TXNDC16: variants seen among roughly 807,000 people sequenced by gnomAD.
TXNDC16 encodes the protein thioredoxin domain-containing protein 16.
A neutral mutation model predicts 85.6 loss-of-function variants in TXNDC16; 74 were observed. That is an observed-to-expected ratio of 0.86 (90% confidence interval 0.72 to 1.05). The LOEUF is 1.05. Ranked by LOEUF, TXNDC16 falls within the 50% of genes least tolerant of loss-of-function variation. The pLI, the probability that TXNDC16 is intolerant of heterozygous loss-of-function variation, is 0.00. For synonymous variants in TXNDC16, 335 were observed against 326.5 expected, an observed-to-expected ratio of 1.03 and a Z score of -0.28; for missense variants, 959 against 947.0, an observed-to-expected ratio of 1.01 and a Z score of -0.17.
chr14:52,546,560 G>C (rs1168443502), intron 1 of TXNDC16, among the ~76,000 whole-genome samples: 1 of 152,192 alleles, frequency 6.6e-6, no homozygotes, highest in Non-Finnish European at 1.5e-5. Flanking sequence ...TCGGCAGTTA[G>C]TGTTAATAAA....
intron 16 of TXNDC16, among the ~76,000 whole-genome samples, chr14:52,467,616 T>TA (rs1344156692): frequency 6.6e-6 from 1 of 152,156 alleles, no homozygotes; most frequent in Admixed American, 6.5e-5. Context: ...GCAAGGATGT[T>TA]AAAGTCATTG....
At chr14:52,484,410 CATA>C (rs2036220102) in intron 12 of TXNDC16, among the ~76,000 whole-genome samples, 1 of 152,218 alleles carries the variant, frequency 6.6e-6, no homozygotes, top group Admixed American at 6.5e-5. Context: ...TCACGTACCA[CATA>C]ATGATATTTC....
chr14:52,493,216 T>TATAC, intron 9 of TXNDC16, among the ~76,000 whole-genome samples: 13 of 115,992 alleles, frequency 1.1e-4, no homozygotes, highest in South Asian at 5.1e-4. Flanking sequence ...TATATATATA[T>TATAC]ACACACACAC....
intron 19 of TXNDC16, 73 bp downstream of exon 19, chr14:52,440,491 C>T (rs1180476522): frequency 2.1e-5 from 27 of 1,274,582 alleles, no homozygotes; most frequent in African/African-American, 3.1e-5. Flanking sequence ...TAGAGAGTTT[C>T]GTTTCCTAAT....
intron 9 of TXNDC16, among the ~76,000 whole-genome samples, chr14:52,506,026 G>A (rs952777874): frequency 6.6e-6 from 1 of 152,182 alleles, no homozygotes; most frequent in African/African-American, 2.4e-5. Flanking sequence ...AAACCAGGAA[G>A]AAGTTGAATC....
intron 20 of TXNDC16, 24 bp downstream of exon 20, chr14:52,439,180 T>C (rs202242219): frequency 6.2e-7 from 1 of 1,603,560 alleles, no homozygotes; most frequent in African/African-American, 1.3e-5. Flanking sequence ...GAACTACATG[T>C]ATTAAACAAA....
chr14:52,519,674 C>T (rs1170949641), intron 6 of TXNDC16, among the ~76,000 whole-genome samples: 2 of 152,204 alleles, frequency 1.3e-5, no homozygotes, highest in East Asian at 3.8e-4. Context: ...CTGACAAGAC[C>T]TAGACCTTGT....
rs1446038718 is a variant in TXNDC16 at position 52,506,542 on chromosome 14, T to C, written c.756+4698A>G. On this transcript the variant is annotated intron_variant, in intron 9 of 20. Coordinates refer to ENST00000281741, the MANE Select transcript of TXNDC16 (RefSeq NM_020784.3). ...TTCAACAACCCTTTTTTTTTTTTTT[T>C]TTTTTTTTTCTTTTTTCTTTTTTTT... Among the ~76,000 whole-genome samples, 9 of 139,660 alleles carry C rather than the reference T, an allele frequency of 6.4e-5. 1 individual carries two copies. The highest frequency in any genetic ancestry group is 2.3e-4 in the African/African-American group (8 of 35,454). The allele number at this position is 139,660 out of a possible 152,430, so 91.6% of individuals were successfully genotyped here.
At position 52,488,386 on chromosome 14, in the gene TXNDC16, T is replaced by C. The variant is rs1566555398; in HGVS notation, c.1085A>G (p.Asn362Ser). 1.9e-6 allele frequency: 3 copies of C among 1,613,824 alleles called. No homozygotes were observed. The highest frequency in any genetic ancestry group is 1.7e-4 in the Middle Eastern group (1 of 6,058). The change falls in exon 12 of 21, where the codon AAT (asparagine) becomes AGT (serine). Residue 362 changes from asparagine to serine, a missense_variant. By Grantham distance (46) the Asn-to-Ser change is conservative. Coordinates refer to ENST00000281741, the MANE Select transcript of TXNDC16 (RefSeq NM_020784.3). ...HIEEIQEDED[N>S]DMEGPDIDVQ... is the part of the protein sequence containing the mutation. ...ACCTATATCTGGACCTTCCATGTCA[T>C]TGTCTTCATCTTCTTGTATTTCCTC...
At chr14:52,503,713 A>G (rs2036718346) in intron 9 of TXNDC16, among the ~76,000 whole-genome samples, 1 of 152,228 alleles carries the variant, frequency 6.6e-6, no homozygotes, top group Non-Finnish European at 1.5e-5. Flanking sequence ...CAATGGAACA[A>G]AGCTGGACAG....
chr14:52,504,822 G>A (rs8010762), intron 9 of TXNDC16, among the ~76,000 whole-genome samples: 20,105 of 152,014 alleles, frequency 0.13, 1,542 homozygotes, highest in African/African-American at 0.21. Flanking sequence ...TATTCAGGAA[G>A]CCCATCTCAT....
At chr14:52,480,689 T>A (rs1052655843) in intron 14 of TXNDC16, among the ~76,000 whole-genome samples, 3 of 151,950 alleles carry the variant, frequency 2.0e-5, no homozygotes, top group Admixed American at 6.6e-5. Flanking sequence ...TTGGCGTGGA[T>A]GTGGTGAACA....
chr14:52,439,470 T>C lies in TXNDC16; in HGVS notation c.2004-76A>G. The C allele has an allele frequency of 8.3e-6, 11 of 1,331,532 alleles. No individual in the cohort carries two copies. The South Asian group carries it at 1.0e-4, about 12-fold the overall frequency. The allele number at this position is 1,331,532 out of a possible 1,614,324, so 82.5% of individuals were successfully genotyped here. On this transcript the variant is annotated intron_variant, in intron 19 of 20. Coordinates refer to ENST00000281741, the MANE Select transcript of TXNDC16 (RefSeq NM_020784.3). ...AATGAAAATAGTAATTCGTAGAACA[T>C]TAAACTTTTAAGTAGTATCATGCCA... is the stretch of plus-strand genomic sequence containing the variant.
chr14:52,503,564 C>T (rs2036714931), intron 9 of TXNDC16, among the ~76,000 whole-genome samples: 1 of 152,136 alleles, frequency 6.6e-6, no homozygotes, highest in African/African-American at 2.4e-5. Flanking sequence ...ACACCAAAAC[C>T]CCATCTGTAT....
chr14:52,488,252 C>T, intron 12 of TXNDC16, 111 bp downstream of exon 12: 1 of 1,329,202 alleles, frequency 7.5e-7, no homozygotes. Flanking sequence ...GGTTTCTTTA[C>T]AGAGTCTTGA....
chr14:52,483,784 T>A (rs1326253414), intron 12 of TXNDC16, among the ~76,000 whole-genome samples: 3 of 152,222 alleles, frequency 2.0e-5, no homozygotes, highest in African/African-American at 7.2e-5. Context: ...CAACCATCCA[T>A]GTACCTTCAA....
At chr14:52,448,825 AGAG>A (rs2035342124) in intron 18 of TXNDC16, among the ~76,000 whole-genome samples, 2 of 152,090 alleles carry the variant, frequency 1.3e-5, no homozygotes, top group African/African-American at 4.8e-5. Flanking sequence ...GACAGAGTGT[AGAG>A]TTTTTATTAG....
intron 6 of TXNDC16, among the ~76,000 whole-genome samples, chr14:52,524,760 G>T (rs1421311242): frequency 1.3e-5 from 2 of 152,018 alleles, no homozygotes; most frequent in South Asian, 2.1e-4. Flanking sequence ...CTCCCAAAGT[G>T]CTGGGATTAC....
At chr14:52,467,663 T>C (rs559263361) in intron 16 of TXNDC16, among the ~76,000 whole-genome samples, 12 of 152,312 alleles carry the variant, frequency 7.9e-5, no homozygotes, top group African/African-American at 2.4e-4. Flanking sequence ...TGTAAAATGA[T>C]GCAGCCAGGG....
Sources: allele counts gnomAD v4.1 joint callset (sites outside exome capture counted in the v4.1 genomes callset), GRCh38; gene constraint gnomAD v4.1.1; transcripts MANE v1.5; gene names NCBI Gene and HGNC (gene_info 2026-07-23, HGNC 2026-07-21).